The following SYCE3 variants were observed in gnomAD, a reference collection of about 807,000 sequenced individuals.
SYCE3 encodes testis highly expressed gene 2 protein.
A neutral mutation model predicts 8.1 loss-of-function variants in SYCE3; 3 were observed. The observed-to-expected ratio is 0.37, with a 90% CI of 0.17 to 0.96. The LOEUF is 0.96. Among genes scored for constraint, SYCE3 ranks in the 40% least tolerant of loss-of-function variants. SYCE3 has a pLI of 0.41. For synonymous variants in SYCE3, 36 were observed against 38.7 expected, an observed-to-expected ratio of 0.93 and a Z score of 0.26; for missense variants, 83 against 110.0, an observed-to-expected ratio of 0.75 and a Z score of 1.10.
chr22:50,557,412 T>C (rs961145162), intron 1 of SYCE3, among the ~76,000 whole-genome samples: 2 of 152,128 alleles, frequency 1.3e-5, no homozygotes, highest in African/African-American at 4.8e-5. Context: ...CACCTCGGCC[T>C]CCCAAAGTGC....
chr22:50,562,718 C>T (rs2069942245), intron 1 of SYCE3, 140 bp downstream of exon 1: 1 of 148,924 alleles, frequency 6.7e-6, no homozygotes, highest in South Asian at 2.0e-4. Flanking sequence ...TGAGTGGAGT[C>T]GGGTGAGTGG....
rs1320541475 is a variant in SYCE3 at position 50,562,846 on chromosome 22, G to C, written c.-1+12C>G. On this transcript the variant is annotated intron_variant, in intron 1 of 2. Transcript: ENST00000406915. ...GGAGGGCCGGGGCCCAGGGGGGCGC[G>C]GCCTCGCTCACCTCCAGCTTGGCCC... 6.6e-6 allele frequency: 1 copy of C among 152,126 alleles called. No individual in the cohort carries two copies. The highest frequency in any genetic ancestry group is 1.9e-4 in the East Asian group (1 of 5,148). The allele number at this position is 152,126 out of a possible 1,614,324, so 9.4% of individuals were successfully genotyped here.
chr22:50,559,425 C>A (rs542186048), intron 1 of SYCE3, among the ~76,000 whole-genome samples: 1 of 152,262 alleles, frequency 6.6e-6, no homozygotes, highest in East Asian at 1.9e-4. Context: ...CTATGCCTGG[C>A]CAGAACTTCG....
intron 1 of SYCE3, among the ~76,000 whole-genome samples, chr22:50,556,969 A>T (rs2069865879): frequency 6.6e-6 from 1 of 151,940 alleles, no homozygotes; most frequent in South Asian, 2.1e-4. Flanking sequence ...TTCATACATT[A>T]AAAAAAATTA....
chr22:50,556,263 C>T, intron 2 of SYCE3, 34 bp downstream of exon 2: 4 of 1,438,470 alleles, frequency 2.8e-6, no homozygotes, highest in Non-Finnish European at 3.8e-6. Flanking sequence ...TGATTGAGAC[C>T]TGTCTCAGAT....
chr22:50,561,682 CAG>C (rs2069919783), intron 1 of SYCE3, among the ~76,000 whole-genome samples: 1 of 151,934 alleles, frequency 6.6e-6, no homozygotes, highest in South Asian at 2.1e-4. Context: ...GAGTTTCTAA[CAG>C]AGTCTGGGAT....
intron 2 of SYCE3, 113 bp from the exon 3 acceptor site, chr22:50,551,515 G>A (rs913936483): frequency 8.9e-5 from 102 of 1,151,104 alleles, no homozygotes; most frequent in Non-Finnish European, 1.2e-4. Context: ...CCCAGATCCT[G>A]CTGAGGCACC....
intron 2 of SYCE3, among the ~76,000 whole-genome samples, chr22:50,552,699 A>G (rs1213017110): frequency 3.9e-5 from 6 of 152,170 alleles, no homozygotes; most frequent in Admixed American, 6.5e-5. Flanking sequence ...CCTGGCACAC[A>G]TGTTATGGAC....
chr22:50,561,218 T>C (rs1168466577), intron 1 of SYCE3, among the ~76,000 whole-genome samples: 1 of 151,972 alleles, frequency 6.6e-6, no homozygotes, highest in African/African-American at 2.4e-5. Flanking sequence ...ACATGTAGTT[T>C]CTATAAGTGG....
At chr22:50,556,433 G>T in intron 1 of SYCE3, 28 bp from the exon 2 acceptor site, 1 of 1,476,574 alleles carries the variant, frequency 6.8e-7, no homozygotes, top group Non-Finnish European at 9.2e-7. Context: ...AGAAGCTGCA[G>T]TCAGACAGAC....
At chr22:50,552,351 G>A (rs577339181) in intron 2 of SYCE3, among the ~76,000 whole-genome samples, 3 of 152,248 alleles carry the variant, frequency 2.0e-5, no homozygotes, top group South Asian at 4.1e-4. Flanking sequence ...TGGAACAAGT[G>A]TCTGCAATGT....
intron 2 of SYCE3, among the ~76,000 whole-genome samples, chr22:50,552,151 C>A (rs555154426): frequency 6.6e-6 from 1 of 152,344 alleles, no homozygotes; most frequent in African/African-American, 2.4e-5. Flanking sequence ...AGGTCATCTC[C>A]CCTCTGCATG....
intron 1 of SYCE3, among the ~76,000 whole-genome samples, chr22:50,562,274 G>A (rs1381635946): frequency 1.7e-3 from 2 of 1,180 alleles, no homozygotes; most frequent in Admixed American, 0.011. Flanking sequence ...GGAGGGGTGA[G>A]GCGGGGTGAG....
intron 1 of SYCE3, among the ~76,000 whole-genome samples, chr22:50,558,016 C>T (rs192990607): frequency 2.8e-4 from 43 of 152,316 alleles, no homozygotes; most frequent in Admixed American, 9.2e-4. Flanking sequence ...CAGAGGCCAT[C>T]TTTCCAATGA....
chr22:50,554,272 T>G (rs958885701), intron 2 of SYCE3, among the ~76,000 whole-genome samples: 1 of 151,030 alleles, frequency 6.6e-6, no homozygotes, highest in African/African-American at 2.4e-5. Flanking sequence ...TAAAAAGGAA[T>G]ACGGAGAAAA....
intron 2 of SYCE3, among the ~76,000 whole-genome samples, chr22:50,555,207 A>G (rs57034289): frequency 0.084 from 12,712 of 152,164 alleles, 1,175 homozygotes; most frequent in African/African-American, 0.23. Context: ...GCTGTGTCAC[A>G]GATAAGTGTC....
intron 1 of SYCE3, among the ~76,000 whole-genome samples, chr22:50,558,754 ACCTT>A (rs1286630765): frequency 6.6e-6 from 1 of 152,028 alleles, no homozygotes; most frequent in Non-Finnish European, 1.5e-5. Context: ...TGTCCAGAAC[ACCTT>A]CCTTAACCCT....
chr22:50,561,109 A>G (rs9628178), intron 1 of SYCE3, among the ~76,000 whole-genome samples: 15,883 of 152,214 alleles, frequency 0.1, 1,115 homozygotes, highest in African/African-American at 0.19. Flanking sequence ...ACGTAAACAT[A>G]CATGCAGTGG....
At position 50,551,182 on chromosome 22, in the gene SYCE3, T is replaced by C. The variant is rs2069803521; in HGVS notation, c.*63A>G. Reference sequence around the variant, plus strand: ...GCTATTCATGTGGGTGCCAGCTCCATCCCCCAGTGACCTCTTCATACGGGC... The same window carrying C: ...GCTATTCATGTGGGTGCCAGCTCCACCCCCCAGTGACCTCTTCATACGGGC... On this transcript the variant is annotated 3_prime_UTR_variant, in exon 3 of 3. Transcript: ENST00000406915. 1.3e-6 allele frequency: 2 copies of C among 1,530,126 alleles called. No individual in the cohort carries two copies. Among genetic ancestry groups the C allele is most frequent in the Admixed American group, 2.0e-5 (1 of 50,044 alleles). The allele number at this position is 1,530,126 out of a possible 1,614,324, so 94.8% of individuals were successfully genotyped here. A position where few individuals can be genotyped will look rare whatever the true frequency, so the allele number is the denominator to read the frequency against.
Sources: allele counts gnomAD v4.1 joint callset (sites outside exome capture counted in the v4.1 genomes callset), GRCh38; gene constraint gnomAD v4.1.1; transcripts MANE v1.5; gene names NCBI Gene and HGNC (gene_info 2026-07-23, HGNC 2026-07-21).